KCNN2: variants seen among roughly 807,000 people sequenced by gnomAD.
KCNN2 encodes small conductance calcium-activated potassium channel protein 2.
In KCNN2, 24 loss-of-function variants were observed where a neutral mutation model predicts 55.5. The ratio of observed to expected loss-of-function variants is 0.43; its 90% CI spans 0.31 to 0.61. KCNN2 has a LOEUF of 0.61. Ranked by LOEUF, KCNN2 falls within the 20% of genes least tolerant of loss-of-function variation. KCNN2 has a pLI of 0.08. For missense variants in KCNN2, 754 were observed against 853.6 expected (o/e 0.88, Z 1.45); for synonymous variants, 431 against 336.1 (o/e 1.28, Z -3.09).
At chr5:114,316,965 A>C (rs995943480) in intron 2 of KCNN2, among the ~76,000 whole-genome samples, 1 of 152,220 alleles carries the variant, frequency 6.6e-6, no homozygotes, top group Non-Finnish European at 1.5e-5. Context: ...TAAATTCCAA[A>C]CCTTGAGCTC....
chr5:114,066,947 A>G (rs1750464911), intron 1 of KCNN2, among the ~76,000 whole-genome samples: 1 of 152,232 alleles, frequency 6.6e-6, no homozygotes, highest in African/African-American at 2.4e-5. Context: ...GTAGACTCAC[A>G]TAACTGAGCT....
At chr5:114,368,351 T>C (rs1757665890) in intron 2 of KCNN2, among the ~76,000 whole-genome samples, 1 of 152,192 alleles carries the variant, frequency 6.6e-6, no homozygotes, top group Admixed American at 6.5e-5. Context: ...ATCTTTAGAG[T>C]TGGCTTTTCA....
chr5:114,360,052 A>C (rs981715966), upstream of KCNN2, among the ~76,000 whole-genome samples: 1 of 152,224 alleles, frequency 6.6e-6, no homozygotes, highest in Non-Finnish European at 1.5e-5. Flanking sequence ...GTAATAGATG[A>C]TAAAAACAAA....
Position 114,362,093 on chromosome 5 carries a change from C to T in KCNN2, c.-47C>T, listed in dbSNP as rs1177621325. 2 of 153,934 alleles carry T rather than the reference C, an allele frequency of 1.3e-5. No individual in the cohort carries two copies. Among genetic ancestry groups the T allele is most frequent in the East Asian group, 1.9e-4 (1 of 5,178 alleles). 9.5% of individuals were successfully genotyped at this position (153,934 alleles called of 1,614,324 possible). A position where few individuals can be genotyped will look rare whatever the true frequency, so the allele number is the denominator to read the frequency against. The stretch of plus-strand genomic sequence containing the variant: ...CCGCTCCCGACCATAACGCATTGCG[C>T]AGGGTGCACCACCGCTTGGTCTCCC... On this transcript the variant is annotated 5_prime_UTR_variant, in exon 1 of 8. Coordinates refer to ENST00000673685, the MANE Select transcript of KCNN2 (RefSeq NM_021614.4).
At chr5:114,374,787 C>T (rs145537467) in intron 2 of KCNN2, among the ~76,000 whole-genome samples, 1 of 152,134 alleles carries the variant, frequency 6.6e-6, no homozygotes, top group Non-Finnish European at 1.5e-5. Context: ...GTAGACCATT[C>T]TAACAACTGA....
intron 2 of KCNN2, among the ~76,000 whole-genome samples, chr5:114,401,717 A>G (rs1561608921): frequency 6.6e-6 from 1 of 152,208 alleles, no homozygotes; most frequent in Non-Finnish European, 1.5e-5. Context: ...CAAATTTGCT[A>G]GATGGAGACT....
At chr5:114,128,281 A>C (rs781142668) in intron 1 of KCNN2, among the ~76,000 whole-genome samples, 1 of 152,192 alleles carries the variant, frequency 6.6e-6, no homozygotes. Flanking sequence ...GGCCTCAGGA[A>C]ATTTACAATC....
chr5:114,193,582 CTA>C (rs1753493129), intron 1 of KCNN2, among the ~76,000 whole-genome samples: 1 of 152,170 alleles, frequency 6.6e-6, no homozygotes, highest in African/African-American at 2.4e-5. Flanking sequence ...TCAGATTCTT[CTA>C]AACCAAAGCT....
intron 2 of KCNN2, among the ~76,000 whole-genome samples, chr5:114,246,924 C>T (rs906273003): frequency 4.0e-5 from 6 of 151,378 alleles, no homozygotes; most frequent in African/African-American, 7.3e-5. Context: ...TAGAAGGAAA[C>T]GAAGGAAACA....
intron 1 of KCNN2, chr5:114,056,580 T>C (rs952301642): frequency 2.5e-6 from 1 of 395,434 alleles, no homozygotes; most frequent in African/African-American, 2.1e-5. Flanking sequence ...GATACTAAAG[T>C]GAAGTTTGCC....
intron 5 of KCNN2, among the ~76,000 whole-genome samples, chr5:114,483,104 T>C (rs1762298304): frequency 2.0e-5 from 3 of 152,074 alleles, no homozygotes; most frequent in Admixed American, 6.6e-5. Context: ...TAAAGTACTA[T>C]TATACTTAAA....
chr5:114,473,998 T>C (rs1761863419), intron 5 of KCNN2, among the ~76,000 whole-genome samples: 3 of 152,204 alleles, frequency 2.0e-5, no homozygotes, highest in African/African-American at 4.8e-5. Context: ...AATTATTTTA[T>C]AGTAGAGTCA....
chr5:114,093,719 T>C (rs1751196288), intron 1 of KCNN2, among the ~76,000 whole-genome samples: 2 of 152,172 alleles, frequency 1.3e-5, no homozygotes, highest in South Asian at 4.1e-4. Context: ...CAAACTCTTA[T>C]ATAACCATTG....
chr5:114,428,007 G>A (rs982035599), intron 3 of KCNN2, among the ~76,000 whole-genome samples: 10 of 152,132 alleles, frequency 6.6e-5, no homozygotes, highest in African/African-American at 2.2e-4. Flanking sequence ...TGTATGAGAA[G>A]GTAAAGGAGA....
At chr5:114,200,529 G>A (rs912290958) in intron 1 of KCNN2, among the ~76,000 whole-genome samples, 1 of 151,968 alleles carries the variant, frequency 6.6e-6, no homozygotes, top group African/African-American at 2.4e-5. Context: ...AATACTTTTT[G>A]ACTGGAATCT....
intron 2 of KCNN2, among the ~76,000 whole-genome samples, chr5:114,224,642 AAGT>A (rs1754205934): frequency 6.6e-6 from 1 of 152,206 alleles, no homozygotes; most frequent in Non-Finnish European, 1.5e-5. Context: ...TCTAAGCCCA[AAGT>A]CAATGAATTC....
chr5:114,320,252 CT>C (rs1334361683), intron 2 of KCNN2, among the ~76,000 whole-genome samples: 1 of 151,972 alleles, frequency 6.6e-6, no homozygotes, highest in Admixed American at 6.6e-5. Flanking sequence ...TGTCCCAGAC[CT>C]TTTTTTGGTT....
intron 1 of KCNN2, among the ~76,000 whole-genome samples, chr5:114,150,712 C>A (rs982582395): frequency 1.3e-5 from 2 of 152,164 alleles, no homozygotes; most frequent in African/African-American, 4.8e-5. Flanking sequence ...AGAAACTAGG[C>A]AGCTTCTTAT....
intron 2 of KCNN2, among the ~76,000 whole-genome samples, chr5:114,306,061 A>G (rs1039831881): frequency 6.6e-6 from 1 of 152,232 alleles, no homozygotes; most frequent in African/African-American, 2.4e-5. Context: ...CAAGGTTTCT[A>G]TAGATTGCAT....
Sources: gnomAD v4.1 joint callset for allele counts (sites outside exome capture counted in the v4.1 genomes callset) on GRCh38, gnomAD v4.1.1 for gene constraint, MANE v1.5 for transcripts, NCBI Gene and HGNC (gene_info 2026-07-23, HGNC 2026-07-21) for gene names.